CDH13: variants seen among roughly 807,000 people sequenced by gnomAD.
CDH13 encodes the protein cadherin 13.
Under a neutral mutation model 63.8 loss-of-function variants are expected in CDH13, and 24 were observed. The observed-to-expected ratio is 0.38, with a 90% CI of 0.27 to 0.53. The LOEUF is 0.53. Among genes scored for constraint, CDH13 ranks in the 20% least tolerant of loss-of-function variants. CDH13 has a pLI of 0.85. For synonymous variants in CDH13, 503 were observed against 355.3 expected (o/e 1.42, Z -4.67); for missense variants, 1,049 against 903.1 (o/e 1.16, Z -2.07).
intron 7 of CDH13, among the ~76,000 whole-genome samples, chr16:83,524,666 A>G (rs2074917244): frequency 1.3e-5 from 2 of 151,752 alleles, no homozygotes; most frequent in Non-Finnish European, 2.9e-5. Context: ...GTTAGCCAGG[A>G]TGGTCTCGAT....
intron 2 of CDH13, among the ~76,000 whole-genome samples, chr16:83,027,153 C>A (rs1475479753): frequency 3.0e-5 from 4 of 132,470 alleles, no homozygotes; most frequent in African/African-American, 1.1e-4. Flanking sequence ...ACTAAATCAT[C>A]ATTTTGCTCT....
intron 7 of CDH13, among the ~76,000 whole-genome samples, chr16:83,598,086 C>A (rs928621234): frequency 3.9e-5 from 6 of 152,146 alleles, no homozygotes; most frequent in Non-Finnish European, 7.3e-5. Flanking sequence ...AAGAATTAGA[C>A]CAGGTGCAGT....
In CDH13 at chr16:83,432,185, G is replaced by A. The variant is rs75505661; in HGVS notation, c.782-54292G>A. Among the ~76,000 whole-genome samples the A allele has an allele frequency of 1.4e-3, 207 of 152,214 alleles. 1 individual carries two copies. Among genetic ancestry groups the A allele is most frequent in the African/African-American group, 4.4e-3 (184 of 41,528 alleles). ...CTGGAAATTTCAGATTCCCTGTGACGTGGGAATCTTTTATCCACAAGGTTG... is the reference window on the plus strand; with the variant it reads ...CTGGAAATTTCAGATTCCCTGTGACATGGGAATCTTTTATCCACAAGGTTG... On this transcript the variant is annotated intron_variant, in intron 6 of 13. Coordinates refer to ENST00000567109, the MANE Select transcript of CDH13 (RefSeq NM_001257.5).
intron 11 of CDH13, among the ~76,000 whole-genome samples, chr16:83,759,568 C>A (rs908224777): frequency 2.0e-5 from 3 of 151,852 alleles, no homozygotes; most frequent in Non-Finnish European, 4.4e-5. Flanking sequence ...AGCTTTGATT[C>A]TTCAAATGAC....
chr16:83,306,335 G>T (rs2089878428), intron 5 of CDH13, among the ~76,000 whole-genome samples: 1 of 152,210 alleles, frequency 6.6e-6, no homozygotes, highest in South Asian at 2.1e-4. Flanking sequence ...AGGCTAGCAG[G>T]AGGTGTTTGG....
chr16:82,734,719 C>T (rs1407264028), intron 1 of CDH13, among the ~76,000 whole-genome samples: 1 of 152,206 alleles, frequency 6.6e-6, no homozygotes, highest in Non-Finnish European at 1.5e-5. Flanking sequence ...TCTCTAGGAG[C>T]TTCAGAATTG....
At chr16:82,800,385 TCTC>T (rs747925658) in intron 1 of CDH13, among the ~76,000 whole-genome samples, 1 of 152,094 alleles carries the variant, frequency 6.6e-6, no homozygotes, top group Non-Finnish European at 1.5e-5. Flanking sequence ...CAAAAGGACT[TCTC>T]CTCAAGGAAG....
intron 1 of CDH13, among the ~76,000 whole-genome samples, chr16:82,820,610 A>G (rs1405645777): frequency 6.6e-6 from 1 of 152,172 alleles, no homozygotes; most frequent in Non-Finnish European, 1.5e-5. Flanking sequence ...ACACATTTTT[A>G]TTGATTATCT....
intron 1 of CDH13, among the ~76,000 whole-genome samples, chr16:82,721,891 A>C (rs887120502): frequency 2.0e-5 from 3 of 152,088 alleles, no homozygotes; most frequent in African/African-American, 7.2e-5. Context: ...GTTAGACTAC[A>C]CTATGCTGTG....
intron 1 of CDH13, among the ~76,000 whole-genome samples, chr16:82,713,282 A>G (rs2032096396): frequency 6.6e-6 from 1 of 152,164 alleles, no homozygotes; most frequent in African/African-American, 2.4e-5. Flanking sequence ...CAACTGGAAC[A>G]TGCTCTCCAG....
At chr16:82,706,698 G>T (rs1277477931) in intron 1 of CDH13, among the ~76,000 whole-genome samples, 1 of 151,790 alleles carries the variant, frequency 6.6e-6, no homozygotes, top group Non-Finnish European at 1.5e-5. Flanking sequence ...CAGCTACTTG[G>T]AAGGCTAAGA....
At chr16:83,706,772 G>C (rs529377134) in intron 10 of CDH13, among the ~76,000 whole-genome samples, 1 of 152,206 alleles carries the variant, frequency 6.6e-6, no homozygotes, top group Non-Finnish European at 1.5e-5. Context: ...GGAAAAAGCT[G>C]CTTCAGCGAT....
chr16:82,744,745 G>A (rs2034084431), intron 1 of CDH13, among the ~76,000 whole-genome samples: 1 of 152,132 alleles, frequency 6.6e-6, no homozygotes, highest in African/African-American at 2.4e-5. Flanking sequence ...TCGCATTTAA[G>A]CTCCACCACC....
intron 1 of CDH13, chr16:82,824,467 A>T (rs186566210): frequency 1.3e-5 from 2 of 152,218 alleles, no homozygotes; most frequent in Non-Finnish European, 2.9e-5. Context: ...CTAAATTAAT[A>T]TATCTAGGCA....
At chr16:83,738,778 T>A (rs951454101) in intron 10 of CDH13, among the ~76,000 whole-genome samples, 2 of 152,140 alleles carry the variant, frequency 1.3e-5, no homozygotes, top group Non-Finnish European at 2.9e-5. Flanking sequence ...TGGTTGCACA[T>A]GCCTGTAATC....
At chr16:82,754,996 A>G (rs2034560093) in intron 1 of CDH13, among the ~76,000 whole-genome samples, 1 of 152,142 alleles carries the variant, frequency 6.6e-6, no homozygotes, top group Admixed American at 6.5e-5. Context: ...AGTTCTCCTT[A>G]CTATTACCCT....
chr16:82,995,208 T>C (rs1912068939), intron 2 of CDH13, among the ~76,000 whole-genome samples: 2 of 152,188 alleles, frequency 1.3e-5, no homozygotes, highest in African/African-American at 4.8e-5. Flanking sequence ...TCAACTCAAC[T>C]GTGGCCAGAA....
chr16:83,357,174 C>T (rs1374204446), intron 6 of CDH13, among the ~76,000 whole-genome samples: 1 of 152,156 alleles, frequency 6.6e-6, no homozygotes, highest in Non-Finnish European at 1.5e-5. Flanking sequence ...CCATCACATC[C>T]AGACTCCAGA....
intron 13 of CDH13, among the ~76,000 whole-genome samples, chr16:83,785,715 T>C (rs1455423491): frequency 2.0e-5 from 3 of 152,078 alleles, no homozygotes; most frequent in African/African-American, 7.2e-5. Context: ...GGATCTCAAG[T>C]CTGGCTGCAC....
Sources: allele counts gnomAD v4.1 joint callset (sites outside exome capture counted in the v4.1 genomes callset), GRCh38; gene constraint gnomAD v4.1.1; transcripts MANE v1.5; gene names NCBI Gene and HGNC (gene_info 2026-07-23, HGNC 2026-07-21).